The following SLC8A1 variants were observed in gnomAD, a reference collection of about 807,000 sequenced individuals.
The protein encoded by SLC8A1 is solute carrier family 8 member A1.
In SLC8A1, 18 loss-of-function variants were observed where a neutral mutation model predicts 68.3. The observed-to-expected ratio is 0.26, with a 90% confidence interval of 0.18 to 0.39. The LOEUF (loss-of-function observed/expected upper bound fraction) is 0.39, where lower values mean the gene tolerates loss of function less well. Among genes scored for constraint, SLC8A1 ranks in the 10% least tolerant of loss-of-function variants. SLC8A1 has a pLI of 1.00. For missense variants in SLC8A1, 985 were observed against 1,156.7 expected, an observed-to-expected ratio of 0.85 and a Z score of 2.15; for synonymous variants, 475 against 415.5, an observed-to-expected ratio of 1.14 and a Z score of -1.74.
chr2:40,153,155 A>C (rs2043781542), intron 6 of SLC8A1, among the ~76,000 whole-genome samples: 1 of 152,152 alleles, frequency 6.6e-6, no homozygotes, highest in South Asian at 2.1e-4. Context: ...ATTAGTAGTA[A>C]TTTGTGTGAT....
intron 2 of SLC8A1, among the ~76,000 whole-genome samples, chr2:40,319,166 A>G (rs1309195002): frequency 6.6e-6 from 1 of 152,094 alleles, no homozygotes; most frequent in Non-Finnish European, 1.5e-5. Flanking sequence ...GAGAAATCCA[A>G]GCGATGGATT....
chr2:40,159,674 A>G (rs1034584883), intron 6 of SLC8A1, among the ~76,000 whole-genome samples: 2 of 152,196 alleles, frequency 1.3e-5, no homozygotes, highest in African/African-American at 4.8e-5. Flanking sequence ...TAGAGCTTAT[A>G]TGCAAATTCC....
At chr2:40,497,534 G>T (rs1289841538) in intron 1 of SLC8A1, among the ~76,000 whole-genome samples, 1 of 152,004 alleles carries the variant, frequency 6.6e-6, no homozygotes, top group African/African-American at 2.4e-5. Flanking sequence ...CTCACAGAAA[G>T]AATGGTTCTT....
chr2:40,375,636 T>TCCC, intron 2 of SLC8A1, among the ~76,000 whole-genome samples: 1 of 152,056 alleles, frequency 6.6e-6, no homozygotes. Context: ...TAAAAGATAT[T>TCCC]AAGGATTTCA....
chr2:40,233,974 G>A (rs1375011516), intron 2 of SLC8A1, among the ~76,000 whole-genome samples: 1 of 152,148 alleles, frequency 6.6e-6, no homozygotes, highest in South Asian at 2.1e-4. Context: ...TTTGGTATCA[G>A]TACCATGCTG....
chr2:40,144,447 G>A (rs1376847894), intron 6 of SLC8A1, among the ~76,000 whole-genome samples: 1 of 152,088 alleles, frequency 6.6e-6, no homozygotes, highest in East Asian at 1.9e-4. Flanking sequence ...TAACAGTCCA[G>A]GGAACATTTT....
chr2:40,152,383 G>A (rs372604224), intron 6 of SLC8A1, among the ~76,000 whole-genome samples: 10 of 152,186 alleles, frequency 6.6e-5, no homozygotes, highest in Middle Eastern at 3.4e-3. Context: ...ACAGGCGTGA[G>A]ACTTGTAGTT....
At chr2:40,498,919 G>A (rs753948036) in intron 1 of SLC8A1, among the ~76,000 whole-genome samples, 14 of 151,970 alleles carry the variant, frequency 9.2e-5, no homozygotes, top group South Asian at 4.1e-4. Context: ...CTGAGTTGGG[G>A]CTGTCAACTC....
intron 2 of SLC8A1, among the ~76,000 whole-genome samples, chr2:40,370,561 A>C (rs13424864): frequency 6.6e-6 from 1 of 152,058 alleles, no homozygotes; most frequent in South Asian, 2.1e-4. Flanking sequence ...CATTTCTTAG[A>C]TATCTTATTC....
At chr2:40,226,863 C>T (rs919105129) in intron 2 of SLC8A1, among the ~76,000 whole-genome samples, 2 of 152,164 alleles carry the variant, frequency 1.3e-5, no homozygotes, top group African/African-American at 4.8e-5. Flanking sequence ...TGTAGTAACA[C>T]TGCTAATGTA....
At chr2:40,175,953 G>T in intron 3 of SLC8A1, 1 of 444,388 alleles carries the variant, frequency 2.3e-6, no homozygotes, top group Non-Finnish European at 4.5e-6. Flanking sequence ...CCTTATCTGT[G>T]ACTTCTGTAC....
chr2:40,321,829 A>G (rs957356709), intron 2 of SLC8A1, among the ~76,000 whole-genome samples: 12 of 152,168 alleles, frequency 7.9e-5, no homozygotes, highest in African/African-American at 2.9e-4. Context: ...TGGGAACACA[A>G]CCAAGCCGTA....
rs533335218 is a variant in SLC8A1, at chr2:40,332,229, G to A, written c.1808+96244C>T. ...TCTAAATGTCACAGGCTAGGTCTAC[G>A]TAATTCCCTTTACAGCACCACATGC... On this transcript the variant is annotated intron_variant, in intron 2 of 7. Transcript: ENST00000406785. 5.3e-5 allele frequency among the ~76,000 whole-genome samples: 8 copies of A among 152,240 alleles called. No individual in the cohort carries two copies. In the South Asian group the frequency reaches 1.0e-3, roughly 20 times the overall value.
At chr2:40,139,081 T>C (rs780509555) in intron 7 of SLC8A1, among the ~76,000 whole-genome samples, 36 of 152,218 alleles carry the variant, frequency 2.4e-4, no homozygotes, top group Non-Finnish European at 4.1e-4. Flanking sequence ...ATTTTTGTTT[T>C]GTCTTTTCAA....
rs1340374346 is a variant in SLC8A1 at position 40,233,000 on chromosome 2, G to A, written c.1809-55145C>T. 2.0e-5 allele frequency among the ~76,000 whole-genome samples: 3 copies of A among 151,626 alleles called. No homozygotes were observed. In the East Asian group the frequency reaches 5.8e-4, roughly 29 times the overall value. ...CATTTTCTTAATCCAGTCTATCATT[G>A]TTGGACATTTGGGTTGGTTCCAAGT... On this transcript the variant is annotated intron_variant, in intron 2 of 7. Coordinates refer to ENST00000406785, the Ensembl canonical transcript of SLC8A1.
At chr2:40,330,307 G>C (rs761459705) in intron 2 of SLC8A1, among the ~76,000 whole-genome samples, 58 of 152,226 alleles carry the variant, frequency 3.8e-4, no homozygotes, top group Middle Eastern at 3.4e-3. Flanking sequence ...ATGGTCATGT[G>C]TCATCAAGGC....
intron 2 of SLC8A1, among the ~76,000 whole-genome samples, chr2:40,412,933 G>A (rs964127415): frequency 6.6e-6 from 1 of 152,022 alleles, no homozygotes; most frequent in African/African-American, 2.4e-5. Flanking sequence ...TTAAGTTTTA[G>A]GGTACATGTG....
At chr2:40,229,541 T>C (rs1024215240) in intron 2 of SLC8A1, among the ~76,000 whole-genome samples, 5 of 152,182 alleles carry the variant, frequency 3.3e-5, no homozygotes, top group African/African-American at 1.2e-4. Context: ...CAGTCAAAAG[T>C]TGATATTGTT....
At chr2:40,358,680 A>T (rs1454563204) in intron 2 of SLC8A1, among the ~76,000 whole-genome samples, 1 of 152,178 alleles carries the variant, frequency 6.6e-6, no homozygotes, top group Non-Finnish European at 1.5e-5. Flanking sequence ...TCATTCAACA[A>T]TCTGTACAAT....
Sources: allele counts gnomAD v4.1 joint callset (sites outside exome capture counted in the v4.1 genomes callset), GRCh38; gene constraint gnomAD v4.1.1; transcripts MANE v1.5; gene names NCBI Gene and HGNC (gene_info 2026-07-23, HGNC 2026-07-21).